Variants in EXOC2 observed in about 807,000 individuals in gnomAD.
The protein encoded by EXOC2 is SEC5-like 1.
EXOC2 carries 70 observed loss-of-function variants against 131.8 expected under a neutral mutation model. The ratio of observed to expected loss-of-function variants is 0.53; its 90% CI spans 0.44 to 0.65. The LOEUF (loss-of-function observed/expected upper bound fraction) is 0.65. EXOC2 is among the 30% of genes least tolerant of loss of function. The probability of loss-of-function intolerance (pLI) is 0.00; values close to 1 mark genes in which losing one functional copy is unlikely to be tolerated. For missense variants in EXOC2, 923 were observed against 1,108.6 expected (o/e 0.83, Z 2.38); for synonymous variants, 411 against 398.4 (o/e 1.03, Z -0.38).
chr6:674,074 A>G (rs1763998995), intron 1 of EXOC2, among the ~76,000 whole-genome samples: 1 of 152,242 alleles, frequency 6.6e-6, no homozygotes, highest in African/African-American at 2.4e-5. Flanking sequence ...ATTTTATATT[A>G]CGATGCTTGG....
At position 582,514 on chromosome 6, in the gene EXOC2, G is replaced by A. The variant is rs549151389; in HGVS notation, c.1193-5632C>T. 1.3e-4 allele frequency among the ~76,000 whole-genome samples: 19 copies of A among 151,560 alleles called. No individual in the cohort carries two copies. In the East Asian group the frequency reaches 1.7e-3, roughly 14 times the overall value. On this transcript the variant is annotated intron_variant, in intron 11 of 27. Coordinates refer to ENST00000230449, the MANE Select transcript of EXOC2 (RefSeq NM_018303.6). ...GGGCCGTTGTCCTGCACAGCAGCCC[G>A]ACCACCCACTGTTGCTTGCTGACCA...
chr6:624,961 G>A (rs1184642108), intron 4 of EXOC2, among the ~76,000 whole-genome samples: 1 of 152,212 alleles, frequency 6.6e-6, no homozygotes, highest in East Asian at 1.9e-4. Context: ...CTAGCACAGA[G>A]TTAGGACTGA....
intron 7 of EXOC2, among the ~76,000 whole-genome samples, chr6:609,432 G>A (rs538746683): frequency 7.2e-5 from 11 of 152,166 alleles, no homozygotes; most frequent in Non-Finnish European, 1.5e-4. Flanking sequence ...TTATTTTTAA[G>A]CCACTAACAT....
chr6:579,893 A>G (rs1030867706), intron 11 of EXOC2, among the ~76,000 whole-genome samples: 33 of 152,242 alleles, frequency 2.2e-4, no homozygotes, highest in African/African-American at 8.0e-4. Context: ...AAAAAAAGAA[A>G]AAAACAGTTT....
chr6:633,453 G>A (rs1306124216), intron 2 of EXOC2, among the ~76,000 whole-genome samples: 1 of 152,126 alleles, frequency 6.6e-6, no homozygotes. Flanking sequence ...GGAAACTACT[G>A]CTATTATTTG....
chr6:619,361 T>G, intron 5 of EXOC2, 69 bp downstream of exon 5: 1 of 1,291,516 alleles, frequency 7.7e-7, no homozygotes, highest in South Asian at 1.2e-5. Flanking sequence ...AAAACTCGAG[T>G]TACCGTGTAA....
intron 13 of EXOC2, among the ~76,000 whole-genome samples, chr6:568,392 T>C (rs1296811555): frequency 6.6e-6 from 1 of 152,174 alleles, no homozygotes; most frequent in South Asian, 2.1e-4. Context: ...ACATGTGCTC[T>C]CCTTAGGTCT....
intron 23 of EXOC2, chr6:524,192 G>A (rs956327193): frequency 1.2e-4 from 18 of 152,252 alleles, no homozygotes; most frequent in African/African-American, 4.3e-4. Flanking sequence ...GTATGGGGAA[G>A]AACCACCAGA....
In EXOC2 at chr6:506,539, T is replaced by C. The variant is rs1411034233; in HGVS notation, c.2381-6839A>G. On this transcript the variant is annotated intron_variant, in intron 23 of 27. Coordinates refer to ENST00000230449, the MANE Select transcript of EXOC2 (RefSeq NM_018303.6). The surrounding 1 kb of genome is among the most constrained non-coding windows in gnomAD (Gnocchi z 4.4). ...CAATAAACCCCCACAACTTTCCATG[T>C]TGTTCAAGCGAGGGAATGAGAAACA... 6.6e-6 allele frequency among the ~76,000 whole-genome samples: 1 copy of C among 152,206 alleles called. No homozygotes were observed. Among genetic ancestry groups the C allele is most frequent in the Non-Finnish European group, 1.5e-5 (1 of 68,024 alleles).
intron 1 of EXOC2, among the ~76,000 whole-genome samples, chr6:674,739 TTTG>T (rs759657238): frequency 6.0e-5 from 9 of 148,968 alleles, no homozygotes; most frequent in Admixed American, 1.3e-4. Context: ...TGTTTGTTTG[TTTG>T]TTGTCAGTGC....
At chr6:568,286 G>A (rs894613377) in intron 13 of EXOC2, among the ~76,000 whole-genome samples, 1 of 152,218 alleles carries the variant, frequency 6.6e-6, no homozygotes, top group African/African-American at 2.4e-5. Flanking sequence ...CAGCACAAAA[G>A]AGCTGATCCT....
chr6:635,035 T>G (rs1762037511), intron 2 of EXOC2, among the ~76,000 whole-genome samples: 1 of 152,214 alleles, frequency 6.6e-6, no homozygotes, highest in Non-Finnish European at 1.5e-5. Flanking sequence ...TTGGTATCAC[T>G]CCAGGTCAAC....
intron 17 of EXOC2, among the ~76,000 whole-genome samples, chr6:560,250 T>C (rs1259047749): frequency 6.6e-6 from 1 of 152,250 alleles, no homozygotes; most frequent in Non-Finnish European, 1.5e-5. Context: ...AGATGTGTTC[T>C]GCTCCCTGTT....
At chr6:532,278 C>G (rs1363985821) in intron 23 of EXOC2, among the ~76,000 whole-genome samples, 191 bp downstream of exon 23, 3 of 152,182 alleles carry the variant, frequency 2.0e-5, no homozygotes, top group Admixed American at 2.0e-4. Flanking sequence ...CTTTAAGCCA[C>G]TAATAATACA....
chr6:532,690 T>G, intron 22 of EXOC2, 80 bp from the exon 23 acceptor site: 1 of 1,263,840 alleles, frequency 7.9e-7, no homozygotes, highest in Non-Finnish European at 1.0e-6. Flanking sequence ...AATAAATACT[T>G]CAGACTATAA....
At chr6:562,759 A>G in intron 17 of EXOC2, 25 bp downstream of exon 17, 1 of 1,516,946 alleles carries the variant, frequency 6.6e-7, no homozygotes, top group Non-Finnish European at 9.0e-7. Flanking sequence ...CTAATGACTA[A>G]TAATTGAAAA....
intron 11 of EXOC2, among the ~76,000 whole-genome samples, chr6:588,379 G>C (rs1759333021): frequency 2.6e-5 from 4 of 152,202 alleles, no homozygotes; most frequent in Admixed American, 2.0e-4. Context: ...GATGGAGTGA[G>C]TCTCACTCTG....
At chr6:495,835 C>G (rs373513209) in intron 25 of EXOC2, among the ~76,000 whole-genome samples, 13 of 152,298 alleles carry the variant, frequency 8.5e-5, no homozygotes, top group Admixed American at 2.6e-4. Context: ...TTTTGAAAAT[C>G]TAATTACATG....
chr6:499,233 C>A (rs1053196316), intron 24 of EXOC2, among the ~76,000 whole-genome samples: 1 of 152,158 alleles, frequency 6.6e-6, no homozygotes, highest in Admixed American at 6.5e-5. Flanking sequence ...GGAATCCCAG[C>A]CACTGCTACA....
Sources: allele counts gnomAD v4.1 joint callset (sites outside exome capture counted in the v4.1 genomes callset), GRCh38; gene constraint gnomAD v4.1.1; non-coding constraint Gnocchi (gnomAD v3.1); transcripts MANE v1.5; gene names NCBI Gene and HGNC (gene_info 2026-07-23, HGNC 2026-07-21).